The following PUS10 variants were observed in gnomAD, a reference collection of about 807,000 sequenced individuals.
PUS10 encodes tRNA pseudouridine synthase Pus10.
A neutral mutation model predicts 75.0 loss-of-function variants in PUS10; 59 were observed. That is an observed-to-expected ratio of 0.79 (90% confidence interval 0.64 to 0.98). The LOEUF is 0.98. PUS10 is among the 50% of genes least tolerant of loss of function. PUS10 has a pLI of 0.00. For synonymous variants in PUS10, 219 were observed against 211.6 expected (o/e 1.03, Z -0.30); for missense variants, 650 against 614.4 (o/e 1.06, Z -0.61).
At chr2:60,977,140 C>T (rs769872000) in intron 4 of PUS10, among the ~76,000 whole-genome samples, 20 of 151,942 alleles carry the variant, frequency 1.3e-4, no homozygotes, top group Non-Finnish European at 2.8e-4. Context: ...AGGTCTATGC[C>T]CGGGAATGGT....
intron 1 of PUS10, 57 bp from the exon 2 acceptor site, chr2:61,011,962 A>C: frequency 7.1e-7 from 1 of 1,411,592 alleles, no homozygotes; most frequent in Non-Finnish European, 9.6e-7. Flanking sequence ...TGTCACAGAC[A>C]AGTCATCATG....
chr2:60,996,642 G>A (rs977478539), intron 4 of PUS10, among the ~76,000 whole-genome samples: 2 of 145,766 alleles, frequency 1.4e-5, no homozygotes, highest in Admixed American at 6.7e-5. Context: ...AAGCAGGGAG[G>A]CATATCCAGA....
chr2:60,974,468 G>A (rs1676903734), intron 4 of PUS10, among the ~76,000 whole-genome samples: 1 of 152,078 alleles, frequency 6.6e-6, no homozygotes, highest in African/African-American at 2.4e-5. Context: ...CTGACAAATG[G>A]TGGGGCTAAA....
At chr2:60,999,723 T>G (rs1678722299) in intron 4 of PUS10, among the ~76,000 whole-genome samples, 1 of 152,196 alleles carries the variant, frequency 6.6e-6, no homozygotes, top group African/African-American at 2.4e-5. Flanking sequence ...AGTGCACACT[T>G]TCTTTCTATG....
chr2:61,004,075 G>A (rs1448608960), intron 4 of PUS10, among the ~76,000 whole-genome samples: 2 of 152,080 alleles, frequency 1.3e-5, no homozygotes, highest in African/African-American at 2.4e-5. Flanking sequence ...ATTGACGTTC[G>A]TTCTACAAAC....
chr2:60,959,567 T>C (rs956175459), intron 11 of PUS10, among the ~76,000 whole-genome samples: 1 of 152,006 alleles, frequency 6.6e-6, no homozygotes, highest in African/African-American at 2.4e-5. Flanking sequence ...TTTTGTATTT[T>C]TAGTAGACAC....
chr2:61,001,810 CT>C (rs902161743), intron 4 of PUS10, among the ~76,000 whole-genome samples: 1 of 151,934 alleles, frequency 6.6e-6, no homozygotes, highest in Non-Finnish European at 1.5e-5. Flanking sequence ...TTCCCCCACC[CT>C]TTTTTTTATT....
At chr2:61,010,480 T>C (rs1306858508) in intron 2 of PUS10, 2 of 217,870 alleles carry the variant, frequency 9.2e-6, no homozygotes, top group African/African-American at 2.3e-5. Context: ...GCACCTGCCA[T>C]GGCGCCCAGC....
At chr2:60,999,451 C>CA (rs1310972780) in intron 4 of PUS10, among the ~76,000 whole-genome samples, 1 of 151,724 alleles carries the variant, frequency 6.6e-6, no homozygotes, top group Admixed American at 6.6e-5. Flanking sequence ...CTCATTGCTA[C>CA]AAAAAAATAA....
At position 61,011,823 on chromosome 2, in the gene PUS10, C is replaced by T. The variant is rs1346003418; in HGVS notation, c.68G>A (p.Arg23Lys). 4.3e-6 allele frequency: 7 copies of T among 1,610,842 alleles called. No homozygotes were observed. The highest frequency in any genetic ancestry group is 5.9e-6 in the Non-Finnish European group (7 of 1,178,244). ...CACACCACAGAATCTGAAGATACAT[C>T]TTGGACAAGTACCAGTATTGAGCAA... ...QLLLNTGTCP[R>K]CIFRFCGVDF... The change falls in exon 2 of 18, where the codon AGA becomes AAA. Residue 23 changes from arginine to lysine, a missense_variant. By Grantham distance (26) the Arg-to-Lys change is conservative (BLOSUM62 2). Transcript: ENST00000316752.
intron 15 of PUS10, among the ~76,000 whole-genome samples, chr2:60,952,248 C>T (rs1224434844): frequency 1.3e-5 from 2 of 150,124 alleles, no homozygotes; most frequent in Admixed American, 6.7e-5. Context: ...GCAGGAGAAT[C>T]GCTTGAACCC....
intron 7 of PUS10, 119 bp downstream of exon 7, chr2:60,965,304 C>T (rs1676268418): frequency 9.7e-7 from 1 of 1,026,938 alleles, no homozygotes; most frequent in East Asian, 2.4e-5. Flanking sequence ...CATTTTAAAC[C>T]TACTAAGACA....
At chr2:61,015,007 C>A (rs1406496) in intron 1 of PUS10, among the ~76,000 whole-genome samples, 1 of 152,112 alleles carries the variant, frequency 6.6e-6, no homozygotes, top group Admixed American at 6.5e-5. Context: ...TTGCCTCTGG[C>A]TGAATTCTAA....
At chr2:61,010,985 GTAT>G in intron 2 of PUS10, 2 of 1,422,376 alleles carry the variant, frequency 1.4e-6, no homozygotes, top group Non-Finnish European at 9.4e-7. Flanking sequence ...TGAATATTGT[GTAT>G]TATTATTGCC....
At chr2:60,945,927 G>T (rs566160913) in intron 16 of PUS10, among the ~76,000 whole-genome samples, 1 of 152,256 alleles carries the variant, frequency 6.6e-6, no homozygotes, top group Non-Finnish European at 1.5e-5. Flanking sequence ...ATAATTAATG[G>T]AACTTGAATA....
At chr2:60,996,424 C>A (rs1191531566) in intron 4 of PUS10, among the ~76,000 whole-genome samples, 1 of 152,166 alleles carries the variant, frequency 6.6e-6, no homozygotes, top group East Asian at 1.9e-4. Context: ...TTCTCCTTAA[C>A]ACAGCAGCTC....
chr2:60,960,571 G>C (rs1675966790), intron 10 of PUS10, 54 bp from the exon 11 acceptor site: 4 of 1,504,362 alleles, frequency 2.7e-6, no homozygotes, highest in Non-Finnish European at 3.5e-6. Flanking sequence ...TAACATGGTA[G>C]GATAAAAAGA....
rs544603273 is a variant in PUS10 at position 60,968,629 on chromosome 2, A to G, written c.504-1016T>C. On this transcript the variant is annotated intron_variant, in intron 5 of 17. Transcript: ENST00000316752. The stretch of plus-strand genomic sequence containing the variant: ...TAGTTGATCAGAAAAAAAAAAGAAT[A>G]TGCAGATCACTATTCCTCTAAAAAT... Among the ~76,000 whole-genome samples the G allele has an allele frequency of 2.6e-5, 4 of 152,238 alleles. No homozygotes were observed. The South Asian group carries it at 8.3e-4, about 32-fold the overall frequency.
At chr2:60,988,893 TG>T (rs1265405322) in intron 4 of PUS10, among the ~76,000 whole-genome samples, 1 of 151,740 alleles carries the variant, frequency 6.6e-6, no homozygotes, top group African/African-American at 2.4e-5. Context: ...CCACCTGCCT[TG>T]GCTTCTCAAA....
Sources: allele counts gnomAD v4.1 joint callset (sites outside exome capture counted in the v4.1 genomes callset), GRCh38; gene constraint gnomAD v4.1.1; transcripts MANE v1.5; gene names NCBI Gene and HGNC (gene_info 2026-07-23, HGNC 2026-07-21).